Variants in VAV3 observed in about 807,000 individuals in gnomAD.
VAV3 encodes the protein vav guanine nucleotide exchange factor 3.
In VAV3, 94 loss-of-function variants were observed where a neutral mutation model predicts 131.2. The observed-to-expected ratio is 0.72, with a 90% CI of 0.61 to 0.85. The LOEUF is 0.85. Ranked by LOEUF, VAV3 falls within the 40% of genes least tolerant of loss-of-function variation. The probability of loss-of-function intolerance (pLI) is 0.00; values close to 1 mark genes in which losing one functional copy is unlikely to be tolerated. For missense variants in VAV3, 939 were observed against 1,002.7 expected (o/e 0.94, Z 0.86); for synonymous variants, 349 against 342.0 (o/e 1.02, Z -0.22).
intron 20 of VAV3, among the ~76,000 whole-genome samples, chr1:107,634,478 G>A (rs937922229): frequency 6.6e-6 from 1 of 151,822 alleles, no homozygotes; most frequent in African/African-American, 2.4e-5. Context: ...AATTCAAGAT[G>A]GATTAAAGAC....
chr1:107,572,397 G>A lies in VAV3; in HGVS notation c.*934C>T, dbSNP rs890153607. Reference sequence around the variant, plus strand: ...TCCCAGGTCATCTTTGTGTGTGTGCGGGGGAGGTGGATGGGAGGAAAAGGC... The same window carrying A: ...TCCCAGGTCATCTTTGTGTGTGTGCAGGGGAGGTGGATGGGAGGAAAAGGC... On this transcript the variant is annotated 3_prime_UTR_variant, in exon 27 of 27. Coordinates refer to ENST00000370056, the MANE Select transcript of VAV3 (RefSeq NM_006113.5). 4.6e-5 allele frequency: 7 copies of A among 152,290 alleles called. No individual in the cohort carries two copies. The highest frequency in any genetic ancestry group is 1.0e-4 in the Non-Finnish European group (7 of 68,032). 9.4% of individuals were successfully genotyped at this position (152,290 alleles called of 1,614,324 possible).
At chr1:107,860,695 T>G (rs1215483451) in intron 2 of VAV3, among the ~76,000 whole-genome samples, 18 of 151,470 alleles carry the variant, frequency 1.2e-4, no homozygotes, top group Admixed American at 1.2e-3. Context: ...TAGAAAGAAA[T>G]AATCAAAAAA....
chr1:107,727,479 C>A (rs1661918265), intron 15 of VAV3, among the ~76,000 whole-genome samples: 2 of 152,286 alleles, frequency 1.3e-5, no homozygotes, highest in Admixed American at 1.3e-4. Flanking sequence ...GGCATTTAAC[C>A]TCCAAACACC....
At chr1:107,807,956 C>T (rs559877412) in intron 2 of VAV3, among the ~76,000 whole-genome samples, 1 of 152,210 alleles carries the variant, frequency 6.6e-6, no homozygotes, top group East Asian at 1.9e-4. Context: ...TGAGATTTAA[C>T]AATTTACAGA....
chr1:107,936,962 C>A (rs1253976080), intron 1 of VAV3, among the ~76,000 whole-genome samples: 1 of 152,088 alleles, frequency 6.6e-6, no homozygotes, highest in Non-Finnish European at 1.5e-5. Flanking sequence ...CTCAATGCTG[C>A]CGGTCAGATT....
chr1:107,917,983 A>G (rs1428967469), intron 1 of VAV3, among the ~76,000 whole-genome samples: 1 of 152,202 alleles, frequency 6.6e-6, no homozygotes, highest in South Asian at 2.1e-4. Flanking sequence ...AAGGGTAGTA[A>G]TAGAATAGAA....
At chr1:107,598,553 G>A (rs1651580238) in intron 24 of VAV3, among the ~76,000 whole-genome samples, 1 of 152,152 alleles carries the variant, frequency 6.6e-6, no homozygotes, top group South Asian at 2.1e-4. Context: ...CCCAGATAAT[G>A]TGGGTCCTTG....
chr1:107,868,065 T>C (rs943666525), intron 2 of VAV3, among the ~76,000 whole-genome samples: 1 of 152,126 alleles, frequency 6.6e-6, no homozygotes, highest in East Asian at 1.9e-4. Context: ...ACTAAAGCTG[T>C]CCCAGGAACC....
intron 1 of VAV3, among the ~76,000 whole-genome samples, chr1:107,956,438 A>C (rs897277348): frequency 6.6e-6 from 1 of 152,186 alleles, no homozygotes; most frequent in Admixed American, 6.6e-5. Context: ...ATTAATGTTT[A>C]ACATACTAGA....
chr1:107,947,498 T>C (rs1344107265), intron 1 of VAV3, among the ~76,000 whole-genome samples: 1 of 152,190 alleles, frequency 6.6e-6, no homozygotes, highest in Admixed American at 6.5e-5. Context: ...AACTGTCCAC[T>C]ACATCTCTGG....
intron 1 of VAV3, among the ~76,000 whole-genome samples, chr1:107,952,148 T>C (rs1463062850): frequency 6.6e-6 from 1 of 152,094 alleles, no homozygotes; most frequent in Non-Finnish European, 1.5e-5. Flanking sequence ...AATGAGATCA[T>C]GTCTTTTGCA....
intron 15 of VAV3, among the ~76,000 whole-genome samples, chr1:107,725,178 G>T (rs891705583): frequency 2.6e-5 from 4 of 152,172 alleles, no homozygotes. Flanking sequence ...ACAGTCAGTT[G>T]GGAGTCAGGT....
At chr1:107,728,600 C>CGTATATGTATACGTATAT (rs1662003464) in intron 15 of VAV3, among the ~76,000 whole-genome samples, 1 of 136,908 alleles carries the variant, frequency 7.3e-6, no homozygotes, top group Non-Finnish European at 1.5e-5. Flanking sequence ...TATACGTATA[C>CGTATATGTATACGTATAT]GTATATGTAT....
intron 17 of VAV3, among the ~76,000 whole-genome samples, chr1:107,702,097 G>A (rs1485186378): frequency 6.6e-6 from 1 of 152,116 alleles, no homozygotes. Context: ...CCTGAGACTG[G>A]GGAATTTATA....
intron 18 of VAV3, among the ~76,000 whole-genome samples, chr1:107,686,139 G>T (rs2494054): frequency 1 from 151,354 of 151,832 alleles, 75,441 homozygotes; most frequent in Middle Eastern, 1. Flanking sequence ...TAAAAAAAAA[G>T]GGATTTAAAG....
chr1:107,882,036 T>G (rs72689617), intron 1 of VAV3, among the ~76,000 whole-genome samples: 1 of 152,106 alleles, frequency 6.6e-6, no homozygotes. Context: ...CTTCCCTTTT[T>G]ATTTGAAAAA....
At chr1:107,599,703 C>T (rs1651685753) in intron 24 of VAV3, among the ~76,000 whole-genome samples, 3 of 151,836 alleles carry the variant, frequency 2.0e-5, no homozygotes, top group African/African-American at 7.3e-5. Flanking sequence ...TAAGGCCAAT[C>T]TTCTCACTGA....
intron 2 of VAV3, among the ~76,000 whole-genome samples, chr1:107,812,333 G>GA (rs1667352353): frequency 6.6e-6 from 1 of 151,948 alleles, no homozygotes; most frequent in African/African-American, 2.4e-5. Flanking sequence ...TAGACACAAG[G>GA]AAAAAAATAT....
rs1228216974 is a variant in VAV3 at position 107,669,425 on chromosome 1, T to C, written c.1777+14063A>G. Reference sequence around the variant, plus strand: ...TTCTTTTGGCTTTTTACAATGCTTCTAGTAGCAGGGGCCATGGAAATAAAG... The same window carrying C: ...TTCTTTTGGCTTTTTACAATGCTTCCAGTAGCAGGGGCCATGGAAATAAAG... On this transcript the variant is annotated intron_variant, in intron 19 of 26. Transcript: ENST00000370056. The C allele has an allele frequency of 3.1e-6, 4 of 1,289,640 alleles. No individual in the cohort carries two copies. In the East Asian group the frequency reaches 2.2e-4, roughly 72 times the overall value. 79.9% of individuals were successfully genotyped at this position (1,289,640 alleles called of 1,614,324 possible).
Sources: allele counts gnomAD v4.1 joint callset (sites outside exome capture counted in the v4.1 genomes callset), GRCh38; gene constraint gnomAD v4.1.1; transcripts MANE v1.5; gene names NCBI Gene and HGNC (gene_info 2026-07-23, HGNC 2026-07-21).